The following ROR2 variants were observed in gnomAD, a reference collection of about 807,000 sequenced individuals.
The protein encoded by ROR2 is tyrosine-protein kinase transmembrane receptor ROR2.
In ROR2, 33 loss-of-function variants were observed where a neutral mutation model predicts 74.9. The observed-to-expected ratio is 0.44, with a 90% confidence interval of 0.33 to 0.59. The LOEUF is 0.59. ROR2 is among the 20% of genes least tolerant of loss of function. The probability of loss-of-function intolerance (pLI) is 0.02; values close to 1 mark genes in which losing one functional copy is unlikely to be tolerated. For missense variants in ROR2, 1,216 were observed against 1,313.8 expected (o/e 0.93, Z 1.15); for synonymous variants, 586 against 558.7 (o/e 1.05, Z -0.69).
chr9:91,884,161 T>C (rs1830205626), intron 1 of ROR2, among the ~76,000 whole-genome samples: 1 of 152,168 alleles, frequency 6.6e-6, no homozygotes, highest in African/African-American at 2.4e-5. Flanking sequence ...ACCAATCTGA[T>C]CATCTGTCAA....
At chr9:91,852,530 A>G (rs537654675) in intron 1 of ROR2, among the ~76,000 whole-genome samples, 1 of 152,118 alleles carries the variant, frequency 6.6e-6, no homozygotes, top group South Asian at 2.1e-4. Flanking sequence ...AGAGGTGCGG[A>G]GGGCAGCATT....
intron 1 of ROR2, among the ~76,000 whole-genome samples, chr9:91,817,678 G>A (rs779697524): frequency 1.3e-5 from 2 of 152,334 alleles, no homozygotes; most frequent in African/African-American, 4.8e-5. Flanking sequence ...GGGGCCTCCT[G>A]GGTCCTGCAG....
chr9:91,846,235 A>AT (rs1340104982), intron 1 of ROR2, among the ~76,000 whole-genome samples: 1 of 152,216 alleles, frequency 6.6e-6, no homozygotes, highest in African/African-American at 2.4e-5. Flanking sequence ...CCCACAAAAT[A>AT]TGTCAAAGCC....
chr9:91,867,269 T>C (rs1249309230), intron 1 of ROR2, among the ~76,000 whole-genome samples: 1 of 152,152 alleles, frequency 6.6e-6, no homozygotes, highest in African/African-American at 2.4e-5. Context: ...ACAGAAAGCA[T>C]GGTTCTTTTT....
intron 1 of ROR2, among the ~76,000 whole-genome samples, chr9:91,933,728 A>T (rs1407283414): frequency 6.6e-6 from 1 of 152,230 alleles, no homozygotes; most frequent in African/African-American, 2.4e-5. Flanking sequence ...AAGTGAAAGA[A>T]GCCAGACACA....
rs1395817233 is a variant in ROR2 at position 91,723,481 on chromosome 9, G to A, written c.*181C>T. The A allele has an allele frequency of 3.3e-5, 32 of 959,096 alleles. No individual in the cohort carries two copies. The highest frequency in any genetic ancestry group is 8.5e-5 in the Admixed American group (3 of 35,174). 59.4% of individuals were successfully genotyped at this position (959,096 alleles called of 1,614,324 possible). A position where few individuals can be genotyped will look rare whatever the true frequency, so the allele number is the denominator to read the frequency against. ...TGCCTGGCTTGGGTGCTCCTAGGCA[G>A]GGCAGCTCTCTGTGTCAGAGGACAG... On this transcript the variant is annotated 3_prime_UTR_variant, in exon 9 of 9. Coordinates refer to ENST00000375708, the MANE Select transcript of ROR2 (RefSeq NM_004560.4).
chr9:91,815,936 C>T lies in ROR2; in HGVS notation c.98-40118G>A, dbSNP rs577509114. Among the ~76,000 whole-genome samples the T allele has an allele frequency of 2.6e-5, 4 of 152,256 alleles. No individual in the cohort carries two copies. The East Asian group carries it at 5.8e-4, about 22-fold the overall frequency. On this transcript the variant is annotated intron_variant, in intron 1 of 8. Coordinates refer to ENST00000375708, the MANE Select transcript of ROR2 (RefSeq NM_004560.4). ...CACAAACTCGGCCTGCCCCATGGGA[C>T]CCTACTGGCCACTCTCTACCTGCTC...
chr9:91,869,389 A>G (rs1361412183), intron 1 of ROR2, among the ~76,000 whole-genome samples: 1 of 152,188 alleles, frequency 6.6e-6, no homozygotes, highest in African/African-American at 2.4e-5. Flanking sequence ...CTCTATCTAT[A>G]ACTGGCAAAA....
intron 1 of ROR2, among the ~76,000 whole-genome samples, chr9:91,790,581 G>A (rs547855678): frequency 6.6e-6 from 1 of 151,592 alleles, no homozygotes; most frequent in South Asian, 2.1e-4. Context: ...TGACAATAAA[G>A]GACTATGTTG....
intron 4 of ROR2, among the ~76,000 whole-genome samples, chr9:91,754,378 C>T (rs1307471111): frequency 1.3e-4 from 20 of 151,492 alleles, no homozygotes; most frequent in Admixed American, 1.2e-3. Flanking sequence ...AAATATAGGC[C>T]GGGTGCAGTG....
chr9:91,804,096 C>T (rs1827474440), intron 1 of ROR2, among the ~76,000 whole-genome samples: 1 of 152,168 alleles, frequency 6.6e-6, no homozygotes, highest in African/African-American at 2.4e-5. Flanking sequence ...GTCTACTCAT[C>T]TGAAAATAGG....
intron 1 of ROR2, among the ~76,000 whole-genome samples, chr9:91,896,466 G>T (rs1360009205): frequency 6.6e-6 from 1 of 152,174 alleles, no homozygotes; most frequent in East Asian, 1.9e-4. Flanking sequence ...CTTCTGGAAA[G>T]ATCTCACCAT....
intron 1 of ROR2, among the ~76,000 whole-genome samples, chr9:91,911,933 C>CAAAAAAAAAAAAAAA (rs747087662): frequency 1.8e-4 from 14 of 76,390 alleles, no homozygotes; most frequent in African/African-American, 6.7e-4. Flanking sequence ...TGAGTCTAAG[C>CAAAAAAAAAAAAAAA]AAAAAAAAAA....
intron 5 of ROR2, among the ~76,000 whole-genome samples, chr9:91,734,708 AC>A (rs1398583337): frequency 6.6e-6 from 1 of 151,646 alleles, no homozygotes; most frequent in African/African-American, 2.4e-5. Flanking sequence ...GTGATTTGAG[AC>A]CCCACACTGG....
chr9:91,756,909 C>G (rs944773783), intron 3 of ROR2, among the ~76,000 whole-genome samples: 1 of 151,932 alleles, frequency 6.6e-6, no homozygotes, highest in African/African-American at 2.4e-5. Context: ...CGCCACCATG[C>G]CAGGCTAATT....
intron 1 of ROR2, among the ~76,000 whole-genome samples, chr9:91,930,512 A>C (rs1417405650): frequency 6.6e-6 from 1 of 152,244 alleles, no homozygotes; most frequent in Non-Finnish European, 1.5e-5. Context: ...CAAGCGTGAC[A>C]AACACAAGCA....
chr9:91,812,320 G>A (rs1018496637), intron 1 of ROR2, among the ~76,000 whole-genome samples: 7 of 152,028 alleles, frequency 4.6e-5, no homozygotes, highest in African/African-American at 9.7e-5. Context: ...CAAACAGGTC[G>A]TTGAGATTAC....
intron 1 of ROR2, among the ~76,000 whole-genome samples, chr9:91,841,396 C>T (rs1828777460): frequency 6.6e-6 from 1 of 152,208 alleles, no homozygotes; most frequent in Non-Finnish European, 1.5e-5. Flanking sequence ...TCTTAGGTCT[C>T]GGAATGTGGC....
intron 4 of ROR2, among the ~76,000 whole-genome samples, chr9:91,748,981 G>A (rs909339857): frequency 6.6e-6 from 1 of 152,208 alleles, no homozygotes; most frequent in African/African-American, 2.4e-5. Flanking sequence ...AGCCGATACC[G>A]TGCCACTGCA....
Sources: allele counts gnomAD v4.1 joint callset (sites outside exome capture counted in the v4.1 genomes callset), GRCh38; gene constraint gnomAD v4.1.1; transcripts MANE v1.5; gene names NCBI Gene and HGNC (gene_info 2026-07-23, HGNC 2026-07-21).